The following CATSPERD variants were observed in gnomAD, a reference collection of about 807,000 sequenced individuals.
The protein encoded by CATSPERD is cation channel sperm-associated auxiliary subunit delta.
In CATSPERD, 86 loss-of-function variants were observed where a neutral mutation model predicts 98.1. The ratio of observed to expected loss-of-function variants is 0.88; its 90% CI spans 0.74 to 1.05. CATSPERD has a LOEUF of 1.05. Ranked by LOEUF, CATSPERD falls within the 50% of genes least tolerant of loss-of-function variation. CATSPERD has a pLI of 0.00. For synonymous variants in CATSPERD, 394 were observed against 390.2 expected, an observed-to-expected ratio of 1.01 and a Z score of -0.12; for missense variants, 995 against 1,005.7, an observed-to-expected ratio of 0.99 and a Z score of 0.14.
At chr19:5,725,964 T>C (rs535105790) in intron 2 of CATSPERD, among the ~76,000 whole-genome samples, 2 of 152,302 alleles carry the variant, frequency 1.3e-5, no homozygotes, top group African/African-American at 4.8e-5. Flanking sequence ...AACATGTTAA[T>C]ATTCATCATT....
At chr19:5,739,892 T>C (rs1476372129) in intron 7 of CATSPERD, among the ~76,000 whole-genome samples, 1 of 147,426 alleles carries the variant, frequency 6.8e-6, no homozygotes, top group Non-Finnish European at 1.5e-5. Flanking sequence ...TCCAGGTCAA[T>C]GGAGCCAGCT....
chr19:5,721,378 C>T (rs1307346780), intron 1 of CATSPERD, among the ~76,000 whole-genome samples: 1 of 152,164 alleles, frequency 6.6e-6, no homozygotes, highest in African/African-American at 2.4e-5. Flanking sequence ...GTGGCGCGAT[C>T]TCTGCTCACT....
chr19:5,748,156 C>T lies in CATSPERD; in HGVS notation c.809-4C>T, dbSNP rs1183939370. 1 of 1,613,204 alleles carries T rather than the reference C, an allele frequency of 6.2e-7. No homozygotes were observed. The highest frequency in any genetic ancestry group is 1.1e-5 in the South Asian group (1 of 91,070). On this transcript the variant is annotated splice_region_variant and splice_polypyrimidine_tract_variant and intron_variant, in intron 9 of 21. Coordinates refer to ENST00000381624, the MANE Select transcript of CATSPERD (RefSeq NM_152784.4). ...CCTCATGCACCTGTCCTGTTACCTC[C>T]TAGGTCAGCTCGTCGACACCGTCCG...
intron 15 of CATSPERD, among the ~76,000 whole-genome samples, chr19:5,761,059 G>T (rs958709372): frequency 6.7e-6 from 1 of 148,920 alleles, no homozygotes; most frequent in African/African-American, 2.5e-5. Context: ...TTTTTGAGAC[G>T]AAGTTTCACT....
At chr19:5,753,662 G>C (rs2145792723) in intron 12 of CATSPERD, 1 of 340,060 alleles carries the variant, frequency 2.9e-6, no homozygotes, top group Non-Finnish European at 5.9e-6. Flanking sequence ...TTGTGCCCAG[G>C]AATTTGGGAC....
At chr19:5,721,986 A>AG (rs2055493379) in intron 1 of CATSPERD, among the ~76,000 whole-genome samples, 1 of 127,876 alleles carries the variant, frequency 7.8e-6, no homozygotes, top group Non-Finnish European at 1.6e-5. Context: ...GTCTCAAAGG[A>AG]AAAAAAAAAA....
At chr19:5,773,522 T>C (rs970107613) in intron 20 of CATSPERD, among the ~76,000 whole-genome samples, 3 of 152,042 alleles carry the variant, frequency 2.0e-5, no homozygotes, top group African/African-American at 7.3e-5. Flanking sequence ...AGTGTGCATC[T>C]GTTTTATTTT....
chr19:5,765,948 T>A (rs1353081003), intron 16 of CATSPERD, among the ~76,000 whole-genome samples, 155 bp from the exon 17 acceptor site: 1 of 152,048 alleles, frequency 6.6e-6, no homozygotes, highest in Non-Finnish European at 1.5e-5. Flanking sequence ...CAGCTGCAGT[T>A]ACGGTGCATC....
In CATSPERD at chr19:5,744,448, G is replaced by A; in HGVS notation, c.595G>A (p.Gly199Ser). The A allele has an allele frequency of 6.2e-7, 1 of 1,612,188 alleles. No homozygotes were observed. The highest frequency in any genetic ancestry group is 2.2e-5 in the East Asian group (1 of 44,818). Residue 199 changes from glycine (G) to serine (S), a missense_variant, in exon 8 of 22, where the codon GGC (glycine) becomes AGC (serine). Gly to Ser is a moderately conservative substitution (Grantham distance 56). This residue lies in a region of CATSPERD where 762 missense variants were observed against 773.7 expected (regional missense o/e 0.98). Coordinates refer to ENST00000381624, the MANE Select transcript of CATSPERD (RefSeq NM_152784.4). ...ATAGGCAGAAATCATTGGGTCTTTA[G>A]GCGGAATCTTCCACTTTTTTTCTTT... ...DRQAEIIGSL[G>S]GIFHFFSLSQ... is the part of the protein sequence containing the mutation.
chr19:5,763,271 C>T lies in CATSPERD; in HGVS notation c.1484C>T (p.Ser495Leu), dbSNP rs775236780. The change falls in exon 16 of 22, where the codon TCA becomes TTA. Residue 495 changes from serine to leucine, a missense_variant. Around this residue, in one of 3 missense-constraint regions of CATSPERD, gnomAD observed 762 missense variants for 773.7 expected, o/e 0.98. Transcript: ENST00000381624. ...GTGGACATAGCAAACAAGGAAATTT[C>T]ATGTGTGGATATCAAGCCACTGGTA... Reference protein sequence around the residue: ...LTVDIANKEISCVDIKPLSTL... With the variant: ...LTVDIANKEILCVDIKPLSTL... 3.1e-6 allele frequency: 5 copies of T among 1,613,988 alleles called. No homozygotes were observed. Among genetic ancestry groups the T allele is most frequent in the East Asian group, 2.2e-5 (1 of 44,876 alleles).
intron 11 of CATSPERD, among the ~76,000 whole-genome samples, chr19:5,751,236 A>C: frequency 1.2e-5 from 1 of 85,374 alleles, no homozygotes. Flanking sequence ...AAAAAAAAAA[A>C]AAAAAAGGCC....
At chr19:5,761,204 T>G (rs2056426763) in intron 15 of CATSPERD, among the ~76,000 whole-genome samples, 2 of 152,042 alleles carry the variant, frequency 1.3e-5, no homozygotes, top group South Asian at 4.1e-4. Flanking sequence ...TGGGTTCAAA[T>G]GATTCTCTTG....
intron 2 of CATSPERD, among the ~76,000 whole-genome samples, chr19:5,725,106 G>A (rs1232815850): frequency 6.6e-6 from 1 of 152,166 alleles, no homozygotes; most frequent in African/African-American, 2.4e-5. Context: ...ATAGAACTAA[G>A]ATGGTCTGAG....
At position 5,759,566 on chromosome 19, in the gene CATSPERD, CAA is replaced by C. The variant is rs35459854; in HGVS notation, c.1427+440_1427+441del. 4.0e-3 allele frequency among the ~76,000 whole-genome samples: 333 copies of C among 84,006 alleles called. 2 individuals are homozygous for C. Among genetic ancestry groups the C allele is most frequent in the African/African-American group, 8.9e-3 (191 of 21,482 alleles). The allele number at this position is 84,006 out of a possible 152,430, so 55.1% of individuals were successfully genotyped here. On this transcript the variant is annotated intron_variant, in intron 15 of 21. Coordinates refer to ENST00000381624, the MANE Select transcript of CATSPERD (RefSeq NM_152784.4). ...GGCGACAAACATGAAACTCCAGCTC[CAA>C]AAAAAAAAAAAAAAAAAGCAAAAAT... is the stretch of plus-strand genomic sequence containing the variant.
chr19:5,767,523 T>C (rs532214788), intron 17 of CATSPERD, among the ~76,000 whole-genome samples: 1 of 151,392 alleles, frequency 6.6e-6, no homozygotes, highest in Middle Eastern at 3.4e-3. Flanking sequence ...AGTCTTGCTC[T>C]GTCGCCCAGG....
Position 5,733,350 on chromosome 19 carries a change from TCC to T in CATSPERD, c.277-505_277-504del, listed in dbSNP as rs1399397732. On this transcript the variant is annotated intron_variant, in intron 4 of 21. Transcript: ENST00000381624. The stretch of plus-strand genomic sequence containing the variant: ...TTCTTTCTTTCCTTTCTTTCTTTCT[TCC>T]TTCCTTCCCTCCTTCCTTCCTTCCC... Among the ~76,000 whole-genome samples, 8 of 142,628 alleles carry T rather than the reference TCC, an allele frequency of 5.6e-5. No homozygotes were observed. In the East Asian group the frequency reaches 1.3e-3, roughly 22 times the overall value. The allele number at this position is 142,628 out of a possible 152,430, so 93.6% of individuals were successfully genotyped here. A position where few individuals can be genotyped will look rare whatever the true frequency, so the allele number is the denominator to read the frequency against.
At chr19:5,756,004 G>T (rs2145802114) in intron 13 of CATSPERD, among the ~76,000 whole-genome samples, 1 of 152,002 alleles carries the variant, frequency 6.6e-6, no homozygotes, top group South Asian at 2.1e-4. Flanking sequence ...AAATTGTCCA[G>T]GCGCGGTGGC....
At chr19:5,731,330 AGTGTGGTG>A (rs75274876) in intron 4 of CATSPERD, among the ~76,000 whole-genome samples, 54,066 of 150,152 alleles carry the variant, frequency 0.36, 10,169 homozygotes, top group Non-Finnish European at 0.43. Context: ...AAATTAGCCG[AGTGTGGTG>A]GTGTGGTGGT....
intron 20 of CATSPERD, 61 bp from the exon 21 acceptor site, chr19:5,776,100 G>T: frequency 6.4e-7 from 1 of 1,573,542 alleles, no homozygotes; most frequent in South Asian, 1.1e-5. Flanking sequence ...CAGGGAGGAG[G>T]GAGGCTCAGG....
Sources: gnomAD v4.1 joint callset for allele counts (sites outside exome capture counted in the v4.1 genomes callset) on GRCh38, gnomAD v4.1.1 for gene constraint, gnomAD v4.1.1 regional missense constraint, MANE v1.5 for transcripts, NCBI Gene and HGNC (gene_info 2026-07-23, HGNC 2026-07-21) for gene names.